Variants in MYOF observed in about 807,000 individuals in gnomAD.
MYOF encodes myoferlin, also known as fer-1-like 3, myoferlin.
In MYOF, 244 loss-of-function variants were observed where a neutral mutation model predicts 284.2. That is an observed-to-expected ratio of 0.86 (90% confidence interval 0.77 to 0.95). The LOEUF is 0.95. MYOF is among the 40% of genes least tolerant of loss of function. The pLI, the probability that MYOF is intolerant of heterozygous loss-of-function variation, is 0.00. For missense variants in MYOF, 2,496 were observed against 2,560.6 expected (o/e 0.97, Z 0.54); for synonymous variants, 904 against 919.7 (o/e 0.98, Z 0.31).
In MYOF at chr10:93,329,608, C is replaced by G. The variant is rs1843212721; in HGVS notation, c.4982+56G>C. 3 of 1,597,632 alleles carry G rather than the reference C, an allele frequency of 1.9e-6. No individual in the cohort carries two copies. The East Asian group carries it at 6.7e-5, about 36-fold the overall frequency. On this transcript the variant is annotated intron_variant, in intron 44 of 53. Transcript: ENST00000359263. Reference sequence around the variant, plus strand: ...ACTAAGGTAGAGGGCCTAGGCCTCCCCAGGTGCCAATGTCAGAGGCAGCAA... The same window carrying G: ...ACTAAGGTAGAGGGCCTAGGCCTCCGCAGGTGCCAATGTCAGAGGCAGCAA...
In MYOF at chr10:93,401,522, T is replaced by A; in HGVS notation, c.1013A>T (p.Asn338Ile). Residue 338 changes from asparagine (N) to isoleucine (I), a missense_variant, in exon 12 of 54, where the codon AAT becomes ATT. Transcript: ENST00000359263. ...ATTACTCTCCACATCATCACTGTCA[T>A]TATCACGATCTCGTCTCTCAGGCTA... ...EPPPERRDRD[N>I]DSDDVESNLL... 6.2e-7 allele frequency: 1 copy of A among 1,614,114 alleles called. No homozygotes were observed. Among genetic ancestry groups the A allele is most frequent in the Non-Finnish European group, 8.5e-7 (1 of 1,180,006 alleles).
intron 36 of MYOF, among the ~76,000 whole-genome samples, chr10:93,349,419 C>A (rs1844396414): frequency 6.6e-6 from 1 of 152,232 alleles, no homozygotes; most frequent in Non-Finnish European, 1.5e-5. Flanking sequence ...CTTCCCCAGA[C>A]AGCCAGTCCT....
intron 5 of MYOF, among the ~76,000 whole-genome samples, chr10:93,409,977 C>T (rs2134128454): frequency 6.6e-6 from 1 of 152,218 alleles, no homozygotes; most frequent in East Asian, 1.9e-4. Flanking sequence ...TCGAAGAGAC[C>T]AAGAGAATGG....
Position 93,393,070 on chromosome 10 carries a change from A to G in MYOF, c.1418-115T>C, listed in dbSNP as rs1016088423. 6.6e-6 allele frequency: 6 copies of G among 914,806 alleles called. No individual in the cohort carries two copies. The Admixed American group carries it at 1.2e-4, about 18-fold the overall frequency. The allele number at this position is 914,806 out of a possible 1,614,324, so 56.7% of individuals were successfully genotyped here. A position where few individuals can be genotyped will look rare whatever the true frequency, so the allele number is the denominator to read the frequency against. On this transcript the variant is annotated intron_variant, in intron 16 of 53. Coordinates refer to ENST00000359263, the MANE Select transcript of MYOF (RefSeq NM_013451.4). ...TATGTGATTTAGCAACACCAGAAAA[A>G]TCCCAAATTCAGACCCAAGTCACAT... is the stretch of plus-strand genomic sequence containing the variant.
At chr10:93,333,194 A>G (rs781501144) in intron 43 of MYOF, 27 bp downstream of exon 43, 11 of 1,585,286 alleles carry the variant, frequency 6.9e-6, no homozygotes, top group Non-Finnish European at 9.5e-6. Flanking sequence ...AATGAAGGCC[A>G]GAAAAACATT....
chr10:93,461,054 C>T (rs576015295), intron 1 of MYOF, among the ~76,000 whole-genome samples: 1 of 151,838 alleles, frequency 6.6e-6, no homozygotes, highest in South Asian at 2.1e-4. Flanking sequence ...TAGATCGCGC[C>T]ATTGCACTCC....
At chr10:93,316,104 AAC>A (rs1213159297) in intron 50 of MYOF, among the ~76,000 whole-genome samples, 2 of 152,056 alleles carry the variant, frequency 1.3e-5, no homozygotes, top group Non-Finnish European at 2.9e-5. Flanking sequence ...CAGCCTGGGT[AAC>A]AGAGAGACCT....
Position 93,334,709 on chromosome 10 carries a change from G to A in MYOF, c.4564-796C>T, listed in dbSNP as rs564676771. 2.6e-5 allele frequency among the ~76,000 whole-genome samples: 4 copies of A among 152,278 alleles called. No homozygotes were observed. The South Asian group carries it at 8.3e-4, about 32-fold the overall frequency. ...CCGGATTCAGAACATACAGGTCTTA[G>A]TTCCAGTGGTCTTTATTCAGTCAAG... is the stretch of plus-strand genomic sequence containing the variant. On this transcript the variant is annotated intron_variant, in intron 41 of 53. Transcript: ENST00000359263.
intron 50 of MYOF, 140 bp from the exon 51 acceptor site, chr10:93,313,350 T>A (rs1341761472): frequency 1.4e-6 from 1 of 736,860 alleles, no homozygotes; most frequent in Non-Finnish European, 2.1e-6. Context: ...AAAGGGAGCC[T>A]GGTGGACATT....
chr10:93,320,117 A>G, intron 48 of MYOF, 104 bp from the exon 49 acceptor site: 1 of 1,371,960 alleles, frequency 7.3e-7, no homozygotes, highest in Non-Finnish European at 1.0e-6. Context: ...GAATTAATGC[A>G]CTTTTCTTGG....
At chr10:93,343,807 G>T in intron 38 of MYOF, 49 bp downstream of exon 38, 1 of 1,574,890 alleles carries the variant, frequency 6.3e-7, no homozygotes, top group African/African-American at 1.3e-5. Flanking sequence ...AGACATCTAA[G>T]CATAGAAGAT....
intron 50 of MYOF, among the ~76,000 whole-genome samples, chr10:93,316,167 C>A (rs865958105): frequency 2.6e-5 from 4 of 151,902 alleles, no homozygotes; most frequent in Non-Finnish European, 5.9e-5. Context: ...AGAAACAGAG[C>A]TGGCTAATGT....
Position 93,402,201 on chromosome 10 carries a change from A to G in MYOF, c.990+31T>C, listed in dbSNP as rs1441498595. On this transcript the variant is annotated intron_variant, in intron 11 of 53. Coordinates refer to ENST00000359263, the MANE Select transcript of MYOF (RefSeq NM_013451.4). ...CTCTTGGCCTTCTTTTTTAGTGAGA[A>G]GTGTAGAAAGTAGAGAATGTAGGGA... 29 of 1,571,342 alleles carry G rather than the reference A, an allele frequency of 1.8e-5. 1 individual carries two copies. Among genetic ancestry groups the G allele is most frequent in the African/African-American group, 6.7e-5 (5 of 74,098 alleles).
intron 16 of MYOF, among the ~76,000 whole-genome samples, chr10:93,393,912 G>T (rs929226574): frequency 5.9e-5 from 9 of 152,132 alleles, no homozygotes; most frequent in Non-Finnish European, 1.2e-4. Flanking sequence ...AATAAATAGT[G>T]CTTACATTCT....
At position 93,325,730 on chromosome 10, in the gene MYOF, A is replaced by T. The variant is rs1843013887; in HGVS notation, c.5271+96T>A. 5 of 1,382,990 alleles carry T rather than the reference A, an allele frequency of 3.6e-6. No homozygotes were observed. The African/African-American group carries it at 7.3e-5, about 20-fold the overall frequency. 85.7% of individuals were successfully genotyped at this position (1,382,990 alleles called of 1,614,324 possible). On this transcript the variant is annotated intron_variant, in intron 46 of 53. Transcript: ENST00000359263. ...CTCATTTCTATTTCTGTGCATCTCA[A>T]AGTATTCAAAGAAGATAAAAGGCGC...
intron 46 of MYOF, among the ~76,000 whole-genome samples, chr10:93,323,922 G>A (rs1246928298): frequency 6.6e-6 from 1 of 152,164 alleles, no homozygotes; most frequent in African/African-American, 2.4e-5. Context: ...TTTTGTAAAA[G>A]AAAAACAACA....
intron 30 of MYOF, 97 bp downstream of exon 30, chr10:93,356,574 CAGGG>C: frequency 7.8e-7 from 1 of 1,282,622 alleles, no homozygotes; most frequent in Non-Finnish European, 1.1e-6. Flanking sequence ...CTTATAGTAC[CAGGG>C]TTACAGGGAC....
chr10:93,479,373 A>G (rs1264995998), intron 1 of MYOF, among the ~76,000 whole-genome samples: 1 of 152,062 alleles, frequency 6.6e-6, no homozygotes, highest in Non-Finnish European at 1.5e-5. Context: ...CCTCTGATGG[A>G]CAGTATTTTG....
chr10:93,393,621 T>G lies in MYOF; in HGVS notation c.1418-666A>C, dbSNP rs576525894. On this transcript the variant is annotated intron_variant, in intron 16 of 53. Transcript: ENST00000359263. Reference sequence around the variant, plus strand: ...TTATCTTTAGATATTATTTAATGACTTCTCATGAATAATGGATTTCAGTCA... The same window carrying G: ...TTATCTTTAGATATTATTTAATGACGTCTCATGAATAATGGATTTCAGTCA... 2.6e-5 allele frequency among the ~76,000 whole-genome samples: 4 copies of G among 152,374 alleles called. No homozygotes were observed. In the South Asian group the frequency reaches 8.3e-4, roughly 32 times the overall value.
Sources: gnomAD v4.1 joint callset for allele counts (sites outside exome capture counted in the v4.1 genomes callset) on GRCh38, gnomAD v4.1.1 for gene constraint, MANE v1.5 for transcripts, NCBI Gene and HGNC (gene_info 2026-07-23, HGNC 2026-07-21) for gene names.